PHF20: variants seen among roughly 807,000 people sequenced by gnomAD.
PHF20 encodes glioma-expressed antigen 2.
In PHF20, 23 loss-of-function variants were observed where a neutral mutation model predicts 113.5. The observed-to-expected ratio is 0.20, with a 90% CI of 0.15 to 0.29. The LOEUF (loss-of-function observed/expected upper bound fraction) is 0.29, where lower values mean the gene tolerates loss of function less well. Ranked by LOEUF, PHF20 falls within the 10% of genes least tolerant of loss-of-function variation. The probability of loss-of-function intolerance (pLI) is 1.00; values close to 1 mark genes in which losing one functional copy is unlikely to be tolerated. For synonymous variants in PHF20, 434 were observed against 457.3 expected, an observed-to-expected ratio of 0.95 and a Z score of 0.65; for missense variants, 943 against 1,219.6, an observed-to-expected ratio of 0.77 and a Z score of 3.38.
In PHF20 at chr20:35,781,703, G is replaced by A. The variant is rs553839525; in HGVS notation, c.-33+9624G>A. 1.2e-4 allele frequency among the ~76,000 whole-genome samples: 18 copies of A among 152,162 alleles called. No individual in the cohort carries two copies. The South Asian group carries it at 2.1e-3, about 18-fold the overall frequency. On this transcript the variant is annotated intron_variant, in intron 1 of 17. Transcript: ENST00000374012. Reference sequence around the variant, plus strand: ...CTCATGCCTGTAATCCCAGCACTTCGGGAGGCTGAGGCAGGTAGATCACTT... The same window carrying A: ...CTCATGCCTGTAATCCCAGCACTTCAGGAGGCTGAGGCAGGTAGATCACTT...
intron 1 of PHF20, among the ~76,000 whole-genome samples, chr20:35,797,562 C>T (rs1197977768): frequency 1.3e-5 from 2 of 150,256 alleles, no homozygotes; most frequent in South Asian, 2.1e-4. Flanking sequence ...GAAGCAACCC[C>T]ACCACCAGAA....
At chr20:35,775,714 A>G (rs1179825890) in intron 1 of PHF20, among the ~76,000 whole-genome samples, 1 of 135,286 alleles carries the variant, frequency 7.4e-6, no homozygotes, top group Non-Finnish European at 1.5e-5. Flanking sequence ...AAATTGCACC[A>G]CTGCACTCCA....
intron 1 of PHF20, among the ~76,000 whole-genome samples, chr20:35,791,207 A>G (rs997295985): frequency 6.6e-6 from 1 of 152,070 alleles, no homozygotes; most frequent in African/African-American, 2.4e-5. Flanking sequence ...TTTTAGAAAT[A>G]TCACTGTAGC....
intron 4 of PHF20, among the ~76,000 whole-genome samples, chr20:35,848,971 A>G (rs1375124000): frequency 2.0e-5 from 3 of 152,172 alleles, no homozygotes; most frequent in Non-Finnish European, 2.9e-5. Context: ...CAACGCTAAT[A>G]TCTTGTTTCT....
intron 15 of PHF20, among the ~76,000 whole-genome samples, chr20:35,936,371 T>C (rs1468629323): frequency 6.6e-6 from 1 of 152,136 alleles, no homozygotes; most frequent in Non-Finnish European, 1.5e-5. Flanking sequence ...GTGGGAGAGC[T>C]GAGACGGGAT....
At chr20:35,826,146 G>A (rs1196966635) in intron 2 of PHF20, among the ~76,000 whole-genome samples, 1 of 152,020 alleles carries the variant, frequency 6.6e-6, no homozygotes, top group African/African-American at 2.4e-5. Flanking sequence ...CTGGGTTCAA[G>A]TGATCTCCTG....
At position 35,930,386 on chromosome 20, in the gene PHF20, T is replaced by A. The variant is rs929232744; in HGVS notation, c.2105-863T>A. Among the ~76,000 whole-genome samples, 3 of 152,174 alleles carry A rather than the reference T, an allele frequency of 2.0e-5. No homozygotes were observed. The South Asian group carries it at 6.2e-4, about 32-fold the overall frequency. ...TAAACAAGACTGTGTAAGGTAGTGATGAATGCCGTGACGGGAAAATTGATA... is the reference window on the plus strand; with the variant it reads ...TAAACAAGACTGTGTAAGGTAGTGAAGAATGCCGTGACGGGAAAATTGATA... On this transcript the variant is annotated intron_variant, in intron 14 of 17. Transcript: ENST00000374012.
intron 9 of PHF20, among the ~76,000 whole-genome samples, chr20:35,873,367 C>T (rs2054457571): frequency 6.6e-6 from 1 of 151,532 alleles, no homozygotes; most frequent in Non-Finnish European, 1.5e-5. Context: ...TCCCAAAGTG[C>T]TAGGATTACA....
intron 13 of PHF20, among the ~76,000 whole-genome samples, chr20:35,924,192 CTT>C (rs767943006): frequency 1.8e-4 from 23 of 129,808 alleles, no homozygotes; most frequent in East Asian, 2.1e-4. Flanking sequence ...CTTTTCTTTT[CTT>C]TTTTTTTTTT....
intron 5 of PHF20, among the ~76,000 whole-genome samples, chr20:35,861,709 G>C (rs949531772): frequency 6.6e-6 from 1 of 152,098 alleles, no homozygotes; most frequent in Non-Finnish European, 1.5e-5. Context: ...CTCCCAACAA[G>C]AAGGGCAATT....
intron 2 of PHF20, among the ~76,000 whole-genome samples, chr20:35,805,838 A>G (rs974433892): frequency 1.3e-5 from 2 of 151,592 alleles, no homozygotes; most frequent in Non-Finnish European, 1.5e-5. Flanking sequence ...TAATACATGC[A>G]TTATACTCTG....
chr20:35,882,843 A>G (rs1409174225), intron 9 of PHF20, among the ~76,000 whole-genome samples: 1 of 152,064 alleles, frequency 6.6e-6, no homozygotes, highest in Admixed American at 6.6e-5. Context: ...CCTGGACAAC[A>G]TGGCAAAACC....
intron 7 of PHF20, 57 bp from the exon 8 acceptor site, chr20:35,870,898 G>A (rs2054408987): frequency 7.7e-7 from 1 of 1,306,054 alleles, no homozygotes. Context: ...ATCTGTAGTA[G>A]CACAGTTATT....
chr20:35,939,147 T>C, intron 16 of PHF20, 39 bp downstream of exon 16: 1 of 1,528,812 alleles, frequency 6.5e-7, no homozygotes, highest in Non-Finnish European at 8.8e-7. Context: ...ATTCATTGCG[T>C]GAATGCTTGC....
intron 2 of PHF20, among the ~76,000 whole-genome samples, chr20:35,815,311 C>G (rs1419946446): frequency 6.6e-6 from 1 of 151,970 alleles, no homozygotes; most frequent in Non-Finnish European, 1.5e-5. Context: ...GACACGGTGA[C>G]TCATGCTTGT....
chr20:35,871,153 G>A lies in PHF20; in HGVS notation c.1102+19G>A. ...GAAGAAGGTGAGTCAGTCTGTTCAG[G>A]AATTGTCTTGCCAACCTGGTTCCTA... On this transcript the variant is annotated intron_variant, in intron 8 of 17. Transcript: ENST00000374012. The A allele has an allele frequency of 1.3e-6, 2 of 1,588,842 alleles. No homozygotes were observed. Among genetic ancestry groups the A allele is most frequent in the African/African-American group, 1.4e-5 (1 of 73,750 alleles).
intron 10 of PHF20, among the ~76,000 whole-genome samples, chr20:35,906,517 G>A (rs894028603): frequency 1.4e-5 from 2 of 142,660 alleles, no homozygotes; most frequent in African/African-American, 4.9e-5. Flanking sequence ...GAAGGTCCCT[G>A]GGCCTTGCTT....
intron 2 of PHF20, among the ~76,000 whole-genome samples, chr20:35,822,240 C>T (rs1382383595): frequency 6.6e-6 from 1 of 151,836 alleles, no homozygotes; most frequent in African/African-American, 2.4e-5. Context: ...TGTCTTACAA[C>T]ACATATATAC....
intron 4 of PHF20, chr20:35,850,827 G>A: frequency 8.9e-7 from 1 of 1,126,992 alleles, no homozygotes; most frequent in Non-Finnish European, 1.3e-6. Flanking sequence ...AAAATCAGGT[G>A]TATGTTTCTG....
Sources: allele counts gnomAD v4.1 joint callset (sites outside exome capture counted in the v4.1 genomes callset), GRCh38; gene constraint gnomAD v4.1.1; transcripts MANE v1.5; gene names NCBI Gene and HGNC (gene_info 2026-07-23, HGNC 2026-07-21).